The following CUX2 variants were observed in gnomAD, a reference collection of about 807,000 sequenced individuals.
CUX2 encodes the protein cut like homeobox 2.
In CUX2, 40 loss-of-function variants were observed where a neutral mutation model predicts 144.8. The ratio of observed to expected loss-of-function variants is 0.28; its 90% CI spans 0.21 to 0.36. CUX2 has a LOEUF of 0.36. CUX2 is among the 10% of genes least tolerant of loss of function. CUX2 has a pLI of 1.00. For synonymous variants in CUX2, 827 were observed against 875.6 expected, an observed-to-expected ratio of 0.94 and a Z score of 0.98; for missense variants, 1,615 against 1,994.0, an observed-to-expected ratio of 0.81 and a Z score of 3.62.
At chr12:111,169,980 A>G (rs1001963344) in intron 1 of CUX2, among the ~76,000 whole-genome samples, 2 of 152,158 alleles carry the variant, frequency 1.3e-5, no homozygotes, top group Admixed American at 1.3e-4. Context: ...ATGGAAGCAA[A>G]TTCCCTGTGC....
chr12:111,322,621 T>C lies in CUX2; in HGVS notation c.2926+41T>C, dbSNP rs373304443. 5.0e-6 allele frequency: 8 copies of C among 1,592,556 alleles called. No homozygotes were observed. The African/African-American group carries it at 1.1e-4, about 21-fold the overall frequency. On this transcript the variant is annotated intron_variant, in intron 18 of 21. Coordinates refer to ENST00000261726, the MANE Select transcript of CUX2 (RefSeq NM_015267.4). The surrounding 1 kb of genome is among the most constrained non-coding windows in gnomAD (Gnocchi z 4.2). ...AGCATCTCAGGGGGTGCTGGCAAAC[T>C]TCCCACCTGCGCAGTGGCATGTCCG...
At chr12:111,177,793 A>G (rs929292405) in intron 1 of CUX2, among the ~76,000 whole-genome samples, 5 of 152,222 alleles carry the variant, frequency 3.3e-5, no homozygotes, top group Non-Finnish European at 7.3e-5. Flanking sequence ...GGCTGGCCCG[A>G]GGCCTGGGTT....
At chr12:111,250,732 G>A (rs963829180) in intron 3 of CUX2, among the ~76,000 whole-genome samples, 1 of 152,164 alleles carries the variant, frequency 6.6e-6, no homozygotes, top group Non-Finnish European at 1.5e-5. Context: ...CAGAGCCGGA[G>A]CACCCACTCT....
Position 111,304,123 on chromosome 12 carries a change from C to A in CUX2, c.754-87C>A. ...ACCTGAGGCCCTCGGAGGTCTGCCTCCCCAACCCCTGCCTGAAACAGTGCA... is the reference window on the plus strand; with the variant it reads ...ACCTGAGGCCCTCGGAGGTCTGCCTACCCAACCCCTGCCTGAAACAGTGCA... On this transcript the variant is annotated intron_variant, in intron 9 of 21. Coordinates refer to ENST00000261726, the MANE Select transcript of CUX2 (RefSeq NM_015267.4). The surrounding 1 kb of genome is among the most constrained non-coding windows in gnomAD (Gnocchi z 4.7). 1 of 1,136,654 alleles carries A rather than the reference C, an allele frequency of 8.8e-7. No individual in the cohort carries two copies. Among genetic ancestry groups the A allele is most frequent in the Non-Finnish European group, 1.3e-6 (1 of 778,260 alleles). The allele number at this position is 1,136,654 out of a possible 1,614,324, so 70.4% of individuals were successfully genotyped here.
At chr12:111,230,445 C>A (rs919172491) in intron 3 of CUX2, among the ~76,000 whole-genome samples, 3 of 152,162 alleles carry the variant, frequency 2.0e-5, no homozygotes, top group African/African-American at 7.2e-5. Flanking sequence ...ACCTCCATGT[C>A]CCAGACCTCT....
chr12:111,067,221 C>A (rs1871056823), intron 1 of CUX2, among the ~76,000 whole-genome samples: 1 of 152,170 alleles, frequency 6.6e-6, no homozygotes, highest in African/African-American at 2.4e-5. Flanking sequence ...GTATGCCATC[C>A]CTCTGGCTAC....
chr12:111,202,009 C>T (rs1213259334), intron 1 of CUX2, among the ~76,000 whole-genome samples: 3 of 152,164 alleles, frequency 2.0e-5, no homozygotes, highest in Non-Finnish European at 4.4e-5. Context: ...TGGGCCAAGG[C>T]GTTAAAAGTG....
chr12:111,207,034 A>G (rs932703687), intron 1 of CUX2, among the ~76,000 whole-genome samples: 5 of 152,172 alleles, frequency 3.3e-5, no homozygotes, highest in Middle Eastern at 3.2e-3. Context: ...AGATAGATGT[A>G]TGATTAGATG....
intron 18 of CUX2, 92 bp from the exon 19 acceptor site, chr12:111,334,349 G>A: frequency 7.2e-7 from 1 of 1,397,190 alleles, no homozygotes; most frequent in Non-Finnish European, 9.6e-7. Flanking sequence ...TGGGTGTTTG[G>A]CAACTCTTGG....
intron 16 of CUX2, among the ~76,000 whole-genome samples, chr12:111,316,351 G>A (rs1467371787): frequency 6.8e-6 from 1 of 147,236 alleles, no homozygotes; most frequent in Non-Finnish European, 1.5e-5. Flanking sequence ...TCTCCGTGTT[G>A]GTCAGGCTGG....
intron 1 of CUX2, among the ~76,000 whole-genome samples, chr12:111,047,053 G>C (rs887526921): frequency 2.0e-5 from 3 of 152,236 alleles, no homozygotes; most frequent in Non-Finnish European, 4.4e-5. Context: ...ATGGGTCAGG[G>C]GAAGGTGAGA....
intron 1 of CUX2, among the ~76,000 whole-genome samples, chr12:111,044,035 C>T (rs1388623478): frequency 1.3e-5 from 2 of 152,224 alleles, no homozygotes; most frequent in Non-Finnish European, 2.9e-5. Context: ...CCTCTGCTAA[C>T]TCCATGGTAG....
intron 3 of CUX2, among the ~76,000 whole-genome samples, chr12:111,234,910 G>T (rs1462229236): frequency 2.6e-5 from 4 of 151,988 alleles, no homozygotes; most frequent in Non-Finnish European, 4.4e-5. Flanking sequence ...GTAAAGATGG[G>T]GTTTGGCCAT....
chr12:111,050,611 C>A (rs940904578), intron 1 of CUX2, among the ~76,000 whole-genome samples: 1 of 152,072 alleles, frequency 6.6e-6, no homozygotes, highest in Non-Finnish European at 1.5e-5. Context: ...CCTGTATGCC[C>A]CCTATGTCCA....
At chr12:111,100,958 G>A (rs1336062685) in intron 1 of CUX2, among the ~76,000 whole-genome samples, 1 of 152,176 alleles carries the variant, frequency 6.6e-6, no homozygotes, top group African/African-American at 2.4e-5. Context: ...GCTCCAGTCA[G>A]AGCCTGGAAA....
chr12:111,320,792 C>T lies in CUX2; in HGVS notation c.2766+17C>T, dbSNP rs758204440. Reference sequence around the variant, plus strand: ...GGGGAGAAGGTGAGTGCAGGGCGGGCCCCCGGTGTCTGGGCTCTGGGAGAA... The same window carrying T: ...GGGGAGAAGGTGAGTGCAGGGCGGGTCCCCGGTGTCTGGGCTCTGGGAGAA... On this transcript the variant is annotated intron_variant, in intron 17 of 21. Coordinates refer to ENST00000261726, the MANE Select transcript of CUX2 (RefSeq NM_015267.4). The surrounding 1 kb of genome is among the most constrained non-coding windows in gnomAD (Gnocchi z 8.1). The T allele has an allele frequency of 2.0e-5, 29 of 1,485,158 alleles. No homozygotes were observed. Among genetic ancestry groups the T allele is most frequent in the Middle Eastern group, 2.3e-4 (1 of 4,262 alleles). 92.0% of individuals were successfully genotyped at this position (1,485,158 alleles called of 1,614,324 possible).
intron 1 of CUX2, among the ~76,000 whole-genome samples, chr12:111,050,425 G>A (rs1332932489): frequency 6.7e-6 from 1 of 150,022 alleles, no homozygotes; most frequent in Non-Finnish European, 1.5e-5. Context: ...TGACATTTCT[G>A]TCTTTCTTTT....
At chr12:111,248,819 A>G (rs1389216466) in intron 3 of CUX2, among the ~76,000 whole-genome samples, 2 of 152,232 alleles carry the variant, frequency 1.3e-5, no homozygotes, top group Non-Finnish European at 2.9e-5. Flanking sequence ...TAATTTCCCA[A>G]GAGAAGCCAG....
chr12:111,214,744 C>G (rs1202152040), intron 2 of CUX2, among the ~76,000 whole-genome samples: 1 of 152,182 alleles, frequency 6.6e-6, no homozygotes, highest in Admixed American at 6.5e-5. Flanking sequence ...CTCTCACCCC[C>G]TTTACGTTCA....
Sources: gnomAD v4.1 joint callset for allele counts (sites outside exome capture counted in the v4.1 genomes callset) on GRCh38, gnomAD v4.1.1 for gene constraint, Gnocchi (gnomAD v3.1) non-coding constraint, MANE v1.5 for transcripts, NCBI Gene and HGNC (gene_info 2026-07-23, HGNC 2026-07-21) for gene names.